KCNIP4: variants seen among roughly 807,000 people sequenced by gnomAD.
KCNIP4 encodes the protein potassium voltage-gated channel interacting protein 4.
A neutral mutation model predicts 34.0 loss-of-function variants in KCNIP4; 12 were observed. That is an observed-to-expected ratio of 0.35 (90% CI 0.23 to 0.57). KCNIP4 has a LOEUF of 0.57. KCNIP4 is among the 20% of genes least tolerant of loss of function. The pLI, the probability that KCNIP4 is intolerant of heterozygous loss-of-function variation, is 0.83. For missense variants in KCNIP4, 238 were observed against 311.7 expected, an observed-to-expected ratio of 0.76 and a Z score of 1.78; for synonymous variants, 124 against 102.2, an observed-to-expected ratio of 1.21 and a Z score of -1.29.
At chr4:21,375,955 T>C (rs576576797) in intron 1 of KCNIP4, among the ~76,000 whole-genome samples, 5 of 152,158 alleles carry the variant, frequency 3.3e-5, no homozygotes, top group Non-Finnish European at 5.9e-5. Context: ...GTCTCCCTCC[T>C]AAGAGATAAG....
intron 3 of KCNIP4, among the ~76,000 whole-genome samples, chr4:20,829,956 G>A (rs1718221525): frequency 6.6e-6 from 1 of 151,858 alleles, no homozygotes; most frequent in South Asian, 2.1e-4. Context: ...AGCTCTCTTC[G>A]GATGTCTAAG....
chr4:21,037,643 ACTGT>A (rs1337530835), intron 1 of KCNIP4, among the ~76,000 whole-genome samples: 2 of 152,238 alleles, frequency 1.3e-5, no homozygotes, highest in African/African-American at 4.8e-5. Context: ...GTGAGACATA[ACTGT>A]ACTTGCGTTG....
chr4:20,954,933 T>C (rs1733140749), intron 1 of KCNIP4, among the ~76,000 whole-genome samples: 1 of 152,176 alleles, frequency 6.6e-6, no homozygotes, highest in African/African-American at 2.4e-5. Flanking sequence ...GTCTTCAGGG[T>C]CATCCTTTAT....
chr4:21,822,350 C>T (rs1043346103), intron 1 of KCNIP4, among the ~76,000 whole-genome samples: 2 of 152,150 alleles, frequency 1.3e-5, no homozygotes, highest in East Asian at 1.9e-4. Context: ...AAGGGAGAAA[C>T]TTTCTTCCCT....
At chr4:21,708,824 C>G (rs1372878593) in intron 1 of KCNIP4, among the ~76,000 whole-genome samples, 1 of 152,162 alleles carries the variant, frequency 6.6e-6, no homozygotes, top group Non-Finnish European at 1.5e-5. Context: ...TGGACTCACA[C>G]AGATTTGGTA....
At chr4:20,943,410 T>C (rs1731860167) in intron 1 of KCNIP4, among the ~76,000 whole-genome samples, 1 of 152,200 alleles carries the variant, frequency 6.6e-6, no homozygotes, top group African/African-American at 2.4e-5. Flanking sequence ...GCAGAGGCAA[T>C]ATTTTAATGC....
intron 1 of KCNIP4, among the ~76,000 whole-genome samples, chr4:21,615,195 A>G: frequency 6.6e-6 from 1 of 152,144 alleles, no homozygotes; most frequent in Non-Finnish European, 1.5e-5. Flanking sequence ...CAAAGGAAAA[A>G]AGAAAAAAAT....
intron 3 of KCNIP4, among the ~76,000 whole-genome samples, chr4:20,770,345 C>T (rs1755759631): frequency 6.6e-6 from 1 of 152,044 alleles, no homozygotes; most frequent in Non-Finnish European, 1.5e-5. Flanking sequence ...AGAATAGTAT[C>T]CCATATGCTG....
intron 1 of KCNIP4, among the ~76,000 whole-genome samples, chr4:20,910,828 T>G (rs547363922): frequency 1.3e-5 from 2 of 152,288 alleles, no homozygotes; most frequent in East Asian, 1.9e-4. Context: ...TTTGCCTAGA[T>G]CCTCTAGCCC....
chr4:20,819,916 G>A (rs926060310), intron 3 of KCNIP4, among the ~76,000 whole-genome samples: 2 of 152,168 alleles, frequency 1.3e-5, no homozygotes, highest in Admixed American at 6.5e-5. Flanking sequence ...CCAGAACTGT[G>A]ATAAATAAAT....
intron 1 of KCNIP4, among the ~76,000 whole-genome samples, chr4:21,418,504 GA>G (rs1325183006): frequency 6.8e-6 from 1 of 147,936 alleles, no homozygotes; most frequent in African/African-American, 2.5e-5. Flanking sequence ...TTCAAAAAAA[GA>G]AAAAATAAAT....
intron 1 of KCNIP4, among the ~76,000 whole-genome samples, chr4:21,669,478 A>G (rs1313678555): frequency 6.6e-6 from 1 of 151,900 alleles, no homozygotes; most frequent in East Asian, 1.9e-4. Context: ...AACATATAAA[A>G]TACATGTTAA....
chr4:21,079,575 G>T (rs936380414), intron 1 of KCNIP4, among the ~76,000 whole-genome samples: 1 of 151,684 alleles, frequency 6.6e-6, no homozygotes, highest in Non-Finnish European at 1.5e-5. Context: ...CATGTTCTGA[G>T]CAGTAGGCAA....
intron 1 of KCNIP4, among the ~76,000 whole-genome samples, chr4:21,119,808 G>A (rs995775337): frequency 1.3e-5 from 2 of 152,038 alleles, no homozygotes; most frequent in African/African-American, 4.8e-5. Context: ...AAACTGAGAG[G>A]CAAATGAAAT....
intron 2 of KCNIP4, among the ~76,000 whole-genome samples, chr4:20,877,850 C>T (rs1403838215): frequency 2.0e-5 from 3 of 152,122 alleles, no homozygotes; most frequent in Admixed American, 6.5e-5. Flanking sequence ...TTCAACTTCT[C>T]AGTTGTGGGA....
chr4:21,590,194 G>A (rs531833294), intron 1 of KCNIP4, among the ~76,000 whole-genome samples: 9 of 152,112 alleles, frequency 5.9e-5, no homozygotes, highest in Non-Finnish European at 8.8e-5. Context: ...TAGCTAGGCA[G>A]CTGGTGTCTC....
intron 5 of KCNIP4, among the ~76,000 whole-genome samples, chr4:20,736,462 T>C (rs894781804): frequency 1.3e-5 from 2 of 152,210 alleles, no homozygotes; most frequent in African/African-American, 4.8e-5. Flanking sequence ...TTCTGTATGA[T>C]AATTTTATAC....
chr4:21,329,785 T>G lies in KCNIP4; in HGVS notation c.62-447076A>C, dbSNP rs557621313. Among the ~76,000 whole-genome samples, 6 of 152,298 alleles carry G rather than the reference T, an allele frequency of 3.9e-5. No individual in the cohort carries two copies. In the East Asian group the frequency reaches 1.2e-3, roughly 29 times the overall value. On this transcript the variant is annotated intron_variant, in intron 1 of 8. Coordinates refer to ENST00000382152, the MANE Select transcript of KCNIP4 (RefSeq NM_025221.6). ...CAATACCATGCAGGTAGAAAGATTA[T>G]CGAAGAGGGTGACAGACTGGGATAA...
chr4:21,872,638 T>G (rs1188038418), intron 1 of KCNIP4, among the ~76,000 whole-genome samples: 2 of 152,294 alleles, frequency 1.3e-5, no homozygotes, highest in East Asian at 3.9e-4. Flanking sequence ...TAAGAAGGAA[T>G]AGATAATAGA....
Sources: allele counts gnomAD v4.1 joint callset (sites outside exome capture counted in the v4.1 genomes callset), GRCh38; gene constraint gnomAD v4.1.1; transcripts MANE v1.5; gene names NCBI Gene and HGNC (gene_info 2026-07-23, HGNC 2026-07-21).